Variants in PIK3R6 observed in about 807,000 individuals in gnomAD.
The protein encoded by PIK3R6 is phosphoinositide 3-kinase regulatory subunit 6.
PIK3R6 carries 91 observed loss-of-function variants against 84.9 expected under a neutral mutation model. The ratio of observed to expected loss-of-function variants is 1.07; its 90% CI spans 0.90 to 1.28. The LOEUF (loss-of-function observed/expected upper bound fraction) is 1.28, where lower values mean the gene tolerates loss of function less well. Among genes scored for constraint, PIK3R6 ranks in the 50% most tolerant of loss-of-function variants. PIK3R6 has a pLI of 0.00. For synonymous variants in PIK3R6, 416 were observed against 411.4 expected, an observed-to-expected ratio of 1.01 and a Z score of -0.13; for missense variants, 996 against 985.1, an observed-to-expected ratio of 1.01 and a Z score of -0.15.
chr17:8,835,550 C>T (rs2151265331), intron 7 of PIK3R6, 94 bp from the exon 8 acceptor site: 1 of 1,066,318 alleles, frequency 9.4e-7, no homozygotes, highest in East Asian at 2.6e-5. Flanking sequence ...GCAGCACCTC[C>T]AAGTAATTTA....
chr17:8,819,246 GA>G, intron 17 of PIK3R6, 48 bp from the exon 18 acceptor site: 1 of 1,383,958 alleles, frequency 7.2e-7, no homozygotes, highest in Non-Finnish European at 1.0e-6. Flanking sequence ...GGAAGTAGGG[GA>G]GTTTGATATT....
chr17:8,863,152 G>A (rs903725335), intron 1 of PIK3R6, among the ~76,000 whole-genome samples: 4 of 152,104 alleles, frequency 2.6e-5, no homozygotes, highest in African/African-American at 9.7e-5. Context: ...GAGTTGGGGA[G>A]GGGTGTGCAG....
chr17:8,829,587 C>T (rs1192657596), intron 10 of PIK3R6, 119 bp downstream of exon 10: 1 of 1,026,400 alleles, frequency 9.7e-7, no homozygotes, highest in African/African-American at 1.8e-5. Context: ...GACACACTGA[C>T]ACACACTCAT....
At chr17:8,831,864 G>A (rs897070999) in intron 9 of PIK3R6, among the ~76,000 whole-genome samples, 3 of 152,170 alleles carry the variant, frequency 2.0e-5, no homozygotes, top group Admixed American at 1.3e-4. Flanking sequence ...ACACATATTC[G>A]GGACGTTTCT....
intron 2 of PIK3R6, among the ~76,000 whole-genome samples, chr17:8,845,851 C>T (rs1443201747): frequency 8.5e-5 from 13 of 152,078 alleles, no homozygotes; most frequent in Admixed American, 7.2e-4. Flanking sequence ...GCACGAGAAT[C>T]GCTTAAACCT....
rs2088487018 is a variant in PIK3R6 at position 8,836,895 on chromosome 17, T to A, written c.287A>T (p.Gln96Leu). 1 of 1,549,796 alleles carries A rather than the reference T, an allele frequency of 6.5e-7. No individual in the cohort carries two copies. Among genetic ancestry groups the A allele is most frequent in the Non-Finnish European group, 8.7e-7 (1 of 1,146,432 alleles). Residue 96 changes from glutamine to leucine, a missense_variant, in exon 6 of 20, where the codon CAG (glutamine) becomes CTG (leucine). Transcript: ENST00000619866. ...CCTTGTGCAAAAGGCATAGATTCTC[T>A]GGTAGAGCTCTTCTGTGATTCCTGT... The part of the protein sequence containing the change: ...KATGITEELY[Q>L]RIYAFCTRLL...
intron 13 of PIK3R6, among the ~76,000 whole-genome samples, chr17:8,824,640 A>C (rs1264809236): frequency 6.6e-6 from 1 of 152,220 alleles, no homozygotes; most frequent in Non-Finnish European, 1.5e-5. Flanking sequence ...TGTTAATTAC[A>C]AGGAGAAGGG....
intron 1 of PIK3R6, among the ~76,000 whole-genome samples, chr17:8,857,492 A>C (rs1297279490): frequency 1.3e-5 from 2 of 152,202 alleles, no homozygotes; most frequent in East Asian, 1.9e-4. Flanking sequence ...AAATGAACAC[A>C]AACTTCTGTC....
chr17:8,838,844 T>C (rs2088575069), intron 3 of PIK3R6, among the ~76,000 whole-genome samples, 189 bp from the exon 4 acceptor site: 1 of 152,184 alleles, frequency 6.6e-6, no homozygotes, highest in African/African-American at 2.4e-5. Flanking sequence ...TTCTAGTCTG[T>C]AGCCCTTTGT....
At chr17:8,824,527 T>A (rs887503999) in intron 13 of PIK3R6, among the ~76,000 whole-genome samples, 1 of 152,222 alleles carries the variant, frequency 6.6e-6, no homozygotes, top group Non-Finnish European at 1.5e-5. Context: ...AGGGTCACAC[T>A]GAGGAGCTAT....
At chr17:8,827,020 T>C (rs2087940946) in intron 13 of PIK3R6, among the ~76,000 whole-genome samples, 152 bp downstream of exon 13, 1 of 152,110 alleles carries the variant, frequency 6.6e-6, no homozygotes, top group Non-Finnish European at 1.5e-5. Context: ...CACCTGACTC[T>C]TAAGGTCAAA....
At position 8,835,389 on chromosome 17, in the gene PIK3R6, CG is replaced by C; in HGVS notation, c.528del (p.Ile176MetfsTer73). ...ASVCSALLLE[I>X]EAAQAQQTPE... ...GGTGTCTGCTGCGCCTGGGCCGCCT[CG>C]ATCTCCAGTAGCAGAGCACTGCACA... is the stretch of plus-strand genomic sequence containing the variant. On this transcript the variant is annotated frameshift_variant, in exon 8 of 20. Transcript: ENST00000619866. LOFTEE classifies it high-confidence loss of function. The C allele has an allele frequency of 6.2e-7, 1 of 1,612,042 alleles. No homozygotes were observed. The highest frequency in any genetic ancestry group is 8.5e-7 in the Non-Finnish European group (1 of 1,178,486).
At chr17:8,837,766 G>A in intron 5 of PIK3R6, 37 bp downstream of exon 5, 1 of 1,570,424 alleles carries the variant, frequency 6.4e-7, no homozygotes, top group Non-Finnish European at 8.8e-7. Context: ...CCACATGCAG[G>A]TCACCACTAC....
At chr17:8,829,874 T>G in intron 9 of PIK3R6, 82 bp from the exon 10 acceptor site, 1 of 1,154,584 alleles carries the variant, frequency 8.7e-7, no homozygotes, top group Non-Finnish European at 1.2e-6. Context: ...CCAGCTCCTG[T>G]GCGGGGTCTT....
At chr17:8,832,830 G>T in intron 9 of PIK3R6, 59 bp downstream of exon 9, 1 of 1,608,056 alleles carries the variant, frequency 6.2e-7, no homozygotes. Context: ...GCCCCCTGCT[G>T]TGCAGTGAGC....
In PIK3R6 at chr17:8,819,070, A is replaced by T. The variant is rs1167643796; in HGVS notation, c.1995+13T>A. Reference sequence around the variant, plus strand: ...GCTGGCTGTCTCCCTTTCCCAGTCTACTCAGTACTTACAGAGAAGGACTTT... The same window carrying T: ...GCTGGCTGTCTCCCTTTCCCAGTCTTCTCAGTACTTACAGAGAAGGACTTT... On this transcript the variant is annotated intron_variant, in intron 18 of 19. Transcript: ENST00000619866. 13 of 1,568,518 alleles carry T rather than the reference A, an allele frequency of 8.3e-6. No homozygotes were observed. Among genetic ancestry groups the T allele is most frequent in the Non-Finnish European group, 1.0e-5 (12 of 1,150,672 alleles).
chr17:8,819,094 T>C lies in PIK3R6; in HGVS notation c.1984A>G (p.Lys662Glu), dbSNP rs1224970505. 1.9e-6 allele frequency: 3 copies of C among 1,601,850 alleles called. No individual in the cohort carries two copies. Among genetic ancestry groups the C allele is most frequent in the East Asian group, 2.2e-5 (1 of 44,762 alleles). ...EVVKSSNLAG[K>E]SFSTVTNTFR... ...TACTCAGTACTTACAGAGAAGGACT[T>C]TCCCGCCAAGTTGGAGGACTTGACA... The change falls in exon 18 of 20, where the codon AAG (lysine) becomes GAG (glutamate). Residue 662 changes from lysine to glutamate, a missense_variant. Physicochemically the swap from Lys to Glu is moderately conservative, Grantham distance 56. Coordinates refer to ENST00000619866, the MANE Select transcript of PIK3R6 (RefSeq NM_001010855.4).
chr17:8,812,426 A>C (rs866071823), intron 18 of PIK3R6, among the ~76,000 whole-genome samples: 8 of 152,376 alleles, frequency 5.3e-5, no homozygotes, highest in Middle Eastern at 6.8e-3. Context: ...TTACAGAACA[A>C]TCTACTCTAC....
intron 18 of PIK3R6, among the ~76,000 whole-genome samples, chr17:8,809,285 A>C (rs2087286987): frequency 6.6e-6 from 1 of 152,232 alleles, no homozygotes; most frequent in South Asian, 2.1e-4. Flanking sequence ...AGGTCCTACA[A>C]GAAATGCTCA....
Sources: gnomAD v4.1 joint callset for allele counts (sites outside exome capture counted in the v4.1 genomes callset) on GRCh38, gnomAD v4.1.1 for gene constraint, MANE v1.5 for transcripts, NCBI Gene and HGNC (gene_info 2026-07-23, HGNC 2026-07-21) for gene names.